Variants in SLC4A8 observed in about 807,000 individuals in gnomAD.
The protein encoded by SLC4A8 is electroneutral sodium bicarbonate exchanger 1.
SLC4A8 carries 40 observed loss-of-function variants against 125.0 expected under a neutral mutation model. That is an observed-to-expected ratio of 0.32 (90% confidence interval 0.25 to 0.42). The LOEUF (loss-of-function observed/expected upper bound fraction) is 0.42. Among genes scored for constraint, SLC4A8 ranks in the 10% least tolerant of loss-of-function variants. The pLI is 1.00. For missense variants in SLC4A8, 863 were observed against 1,355.1 expected, an observed-to-expected ratio of 0.64 and a Z score of 5.70; for synonymous variants, 456 against 476.0, an observed-to-expected ratio of 0.96 and a Z score of 0.55.
chr12:51,400,724 CTTTATATATATATATATA>C (rs1204053757), intron 1 of SLC4A8, among the ~76,000 whole-genome samples: 4 of 54,996 alleles, frequency 7.3e-5, no homozygotes, highest in African/African-American at 3.3e-4. Context: ...GAATGAACTC[CTTTATATATATATATATA>C]TATATATATA....
chr12:51,404,206 G>T (rs918194004), intron 1 of SLC4A8, among the ~76,000 whole-genome samples: 3 of 152,178 alleles, frequency 2.0e-5, no homozygotes, highest in Non-Finnish European at 4.4e-5. Flanking sequence ...GGGCTGCCTG[G>T]TGAGCATAAA....
Position 51,508,735 on chromosome 12 carries a change from G to A in SLC4A8, c.*1297G>A, listed in dbSNP as rs1475366288. On this transcript the variant is annotated 3_prime_UTR_variant, in exon 25 of 25. Coordinates refer to ENST00000453097, the MANE Select transcript of SLC4A8 (RefSeq NM_001039960.3). ...ATGAATGTAAAGTATTTGGGATCCA[G>A]TGCTTATAAACCTTTCCTTCCTTTG... The A allele has an allele frequency of 6.6e-6, 1 of 152,182 alleles. No homozygotes were observed. The highest frequency in any genetic ancestry group is 2.4e-5 in the African/African-American group (1 of 41,440). 9.4% of individuals were successfully genotyped at this position (152,182 alleles called of 1,614,324 possible).
rs114918090 is a variant in SLC4A8, at chr12:51,401,427, T to C, written c.-112+9939T>C. 5.4e-3 allele frequency among the ~76,000 whole-genome samples: 817 copies of C among 152,280 alleles called. 7 individuals carry two copies. The highest frequency in any genetic ancestry group is 0.019 in the African/African-American group (773 of 41,550). ...AGTGGAAAGGTGGTTTTCCCCTGAG[T>C]TGGGCCGCTCAGCAGCTGGGCTCTC... On this transcript the variant is annotated intron_variant, in intron 1 of 24. Coordinates refer to the SLC4A8 transcript ENST00000358657.
intron 1 of SLC4A8, among the ~76,000 whole-genome samples, chr12:51,415,230 G>A (rs1035710314): frequency 6.6e-6 from 1 of 151,538 alleles, no homozygotes; most frequent in African/African-American, 2.4e-5. Flanking sequence ...ACCTAATTTT[G>A]ATATCACAGT....
chr12:51,424,415 T>C (rs1948890206), upstream of SLC4A8: 2 of 152,478 alleles, frequency 1.3e-5, no homozygotes, highest in African/African-American at 2.4e-5. Context: ...AATTTAATGC[T>C]CTTTAATCTG....
rs1950503261 is a variant in SLC4A8, at chr12:51,466,002, T to TG, written c.1349+2289dup. Among the ~76,000 whole-genome samples, 7 of 152,222 alleles carry TG rather than the reference T, an allele frequency of 4.6e-5. No individual in the cohort carries two copies. The South Asian group carries it at 1.5e-3, about 32-fold the overall frequency. ...CAAAACTGCTTTATGCTTGTCATGT[T>TG]GCACAACCTTGGAGCAAGACTTGGA... On this transcript the variant is annotated intron_variant, in intron 11 of 24. Coordinates refer to ENST00000453097, the MANE Select transcript of SLC4A8 (RefSeq NM_001039960.3).
At chr12:51,413,393 TGC>T in intron 1 of SLC4A8, among the ~76,000 whole-genome samples, 1 of 152,228 alleles carries the variant, frequency 6.6e-6, no homozygotes, top group East Asian at 1.9e-4. Flanking sequence ...TTGTTTCCTT[TGC>T]AGTGAAAGAG....
chr12:51,506,003 T>A, intron 24 of SLC4A8, 73 bp downstream of exon 24: 1 of 713,878 alleles, frequency 1.4e-6, no homozygotes, highest in South Asian at 1.7e-5. Context: ...AGGTAAAATG[T>A]GTTTTAGTTG....
intron 5 of SLC4A8, among the ~76,000 whole-genome samples, chr12:51,455,269 C>T (rs991975757): frequency 3.4e-5 from 5 of 147,322 alleles, no homozygotes; most frequent in African/African-American, 1.0e-4. Flanking sequence ...GACCCTGTCT[C>T]TTAAAAAAAA....
intron 16 of SLC4A8, chr12:51,480,114 T>G: frequency 2.5e-6 from 1 of 399,220 alleles, no homozygotes; most frequent in Non-Finnish European, 4.6e-6. Flanking sequence ...CTAATTTTTG[T>G]ATTTTTAGTA....
intron 16 of SLC4A8, among the ~76,000 whole-genome samples, chr12:51,476,822 T>G (rs1419335019): frequency 6.6e-6 from 1 of 151,882 alleles, no homozygotes; most frequent in East Asian, 1.9e-4. Context: ...GGGCATTATT[T>G]ACGGCATTTT....
At chr12:51,403,083 TAG>T (rs1481412638) in intron 1 of SLC4A8, 2 of 419,790 alleles carry the variant, frequency 4.8e-6, no homozygotes, top group African/African-American at 2.1e-5. Context: ...GACAATTATA[TAG>T]AGTCTGTTGT....
chr12:51,500,886 ATTAT>A (rs1334702643), intron 22 of SLC4A8, among the ~76,000 whole-genome samples: 1 of 118,356 alleles, frequency 8.4e-6, no homozygotes, highest in Non-Finnish European at 1.8e-5. Context: ...CTTTATTTTT[ATTAT>A]TATTATACTT....
At chr12:51,408,292 C>T (rs1022584137) in intron 1 of SLC4A8, among the ~76,000 whole-genome samples, 3 of 152,302 alleles carry the variant, frequency 2.0e-5, no homozygotes, top group African/African-American at 7.2e-5. Flanking sequence ...TGCAGTGGCA[C>T]GATCTTGGCT....
chr12:51,460,017 G>C lies in SLC4A8; in HGVS notation c.922G>C (p.Val308Leu), dbSNP rs770189059. 5.0e-6 allele frequency: 8 copies of C among 1,613,228 alleles called. No homozygotes were observed. The East Asian group carries it at 1.3e-4, about 27-fold the overall frequency. The change falls in exon 8 of 25, where the codon GTG becomes CTG. Residue 308 changes from valine to leucine, a missense_variant. Transcript: ENST00000453097. ...GGCCTCCAATGTCCTGGTTGGAGAG[G>C]TGGATATTTTGGACCGTCCCATTGT... is the stretch of plus-strand genomic sequence containing the variant. ...AEASNVLVGE[V>L]DILDRPIVAF...
At chr12:51,506,430 C>T (rs1330775379) in intron 24 of SLC4A8, among the ~76,000 whole-genome samples, 2 of 150,422 alleles carry the variant, frequency 1.3e-5, no homozygotes, top group East Asian at 3.9e-4. Flanking sequence ...TTTTTCTTTT[C>T]CTTTTTTTCT....
At chr12:51,439,706 T>C (rs1245514530) in intron 1 of SLC4A8, among the ~76,000 whole-genome samples, 10 of 151,634 alleles carry the variant, frequency 6.6e-5, no homozygotes, top group Non-Finnish European at 1.2e-4. Context: ...TTTAGAGAAA[T>C]TGCAAAGGAA....
rs1237195143 is a variant in SLC4A8, at chr12:51,507,748, A to G, written c.*310A>G. 1 of 255,354 alleles carries G rather than the reference A, an allele frequency of 3.9e-6. No individual in the cohort carries two copies. Among genetic ancestry groups the G allele is most frequent in the South Asian group, 1.7e-4 (1 of 5,820 alleles). The allele number at this position is 255,354 out of a possible 1,614,324, so 15.8% of individuals were successfully genotyped here. A position where few individuals can be genotyped will look rare whatever the true frequency, so the allele number is the denominator to read the frequency against. Reference sequence around the variant, plus strand: ...TTGAAGACCTAGCTTCCCATTTTCCAGACGTTTTCTCTGAAATTCTCTGCT... The same window carrying G: ...TTGAAGACCTAGCTTCCCATTTTCCGGACGTTTTCTCTGAAATTCTCTGCT... On this transcript the variant is annotated 3_prime_UTR_variant, in exon 25 of 25. Transcript: ENST00000453097.
chr12:51,487,752 T>C (rs1951199710), intron 17 of SLC4A8, among the ~76,000 whole-genome samples: 1 of 152,218 alleles, frequency 6.6e-6, no homozygotes, highest in African/African-American at 2.4e-5. Flanking sequence ...TTAGCCGTCT[T>C]AGGCTCCTTC....
Sources: gnomAD v4.1 joint callset for allele counts (sites outside exome capture counted in the v4.1 genomes callset) on GRCh38, gnomAD v4.1.1 for gene constraint, MANE v1.5 for transcripts, NCBI Gene and HGNC (gene_info 2026-07-23, HGNC 2026-07-21) for gene names.